Variants in NAALADL2 observed in about 807,000 individuals in gnomAD.
The protein encoded by NAALADL2 is inactive N-acetylated-alpha-linked acidic dipeptidase-like protein 2.
In NAALADL2, 76 loss-of-function variants were observed where a neutral mutation model predicts 87.2. That is an observed-to-expected ratio of 0.87 (90% CI 0.72 to 1.05). NAALADL2 has a LOEUF of 1.05. Ranked by LOEUF, NAALADL2 falls within the 50% of genes least tolerant of loss-of-function variation. NAALADL2 has a pLI of 0.00. For synonymous variants in NAALADL2, 354 were observed against 331.0 expected, an observed-to-expected ratio of 1.07 and a Z score of -0.75; for missense variants, 1,089 against 945.8, an observed-to-expected ratio of 1.15 and a Z score of -1.99.
chr3:174,905,525 C>T (rs1732858762), intron 1 of NAALADL2, among the ~76,000 whole-genome samples: 2 of 152,010 alleles, frequency 1.3e-5, no homozygotes, highest in South Asian at 4.1e-4. Context: ...TTTCATAAGA[C>T]ACAGGAAACT....
chr3:174,708,669 CA>C (rs769938777), intron 2 of NAALADL2, among the ~76,000 whole-genome samples: 5 of 152,008 alleles, frequency 3.3e-5, no homozygotes, highest in South Asian at 2.1e-4. Flanking sequence ...CTATGTTGGT[CA>C]AGAGAAATAG....
intron 4 of NAALADL2, among the ~76,000 whole-genome samples, chr3:175,317,596 C>G (rs1759319293): frequency 6.6e-6 from 1 of 151,956 alleles, no homozygotes; most frequent in Non-Finnish European, 1.5e-5. Context: ...CAGTGTTTTA[C>G]TTTCAAAAAA....
rs114829519 is a variant in NAALADL2 at position 175,241,799 on chromosome 3, C to T, written c.819+7595C>T. ...AAGTGCAGTGGACTGTTTTCATTTT[C>T]CCCACTTGATTACAACACATGTGGC... On this transcript the variant is annotated intron_variant, in intron 3 of 13. Transcript: ENST00000454872. Among the ~76,000 whole-genome samples, 490 of 149,068 alleles carry T rather than the reference C, an allele frequency of 3.3e-3. 3 individuals are homozygous for T. The highest frequency in any genetic ancestry group is 0.012 in the African/African-American group (469 of 40,522).
intron 1 of NAALADL2, among the ~76,000 whole-genome samples, chr3:174,489,630 G>C (rs2861778): frequency 0.43 from 64,657 of 151,686 alleles, 14,868 homozygotes; most frequent in East Asian, 0.88. Flanking sequence ...AGGACTCTTA[G>C]AACTCAGACT....
chr3:175,610,466 T>C (rs1724469564), intron 10 of NAALADL2, among the ~76,000 whole-genome samples: 1 of 152,144 alleles, frequency 6.6e-6, no homozygotes, highest in African/African-American at 2.4e-5. Context: ...ATTTTTCTCA[T>C]GACCACACAG....
chr3:175,579,691 G>C (rs757787965), intron 10 of NAALADL2, among the ~76,000 whole-genome samples: 4 of 152,138 alleles, frequency 2.6e-5, no homozygotes, highest in Admixed American at 6.5e-5. Context: ...GAAGCATTCT[G>C]TACAGATTAA....
At chr3:175,724,409 G>C (rs1742660400) in intron 11 of NAALADL2, among the ~76,000 whole-genome samples, 1 of 152,058 alleles carries the variant, frequency 6.6e-6, no homozygotes, top group Admixed American at 6.6e-5. Flanking sequence ...AGATTCAACT[G>C]AACAATAGCA....
At chr3:175,614,480 G>A (rs1374340755) in intron 10 of NAALADL2, among the ~76,000 whole-genome samples, 6 of 152,168 alleles carry the variant, frequency 3.9e-5, no homozygotes. Flanking sequence ...ATTTTTAAGT[G>A]TTGATAGCAT....
At chr3:174,921,637 T>G (rs370902468) in intron 1 of NAALADL2, among the ~76,000 whole-genome samples, 2 of 151,664 alleles carry the variant, frequency 1.3e-5, no homozygotes, top group Admixed American at 1.3e-4. Flanking sequence ...CCATTGCTAC[T>G]AAAAATACAA....
intron 2 of NAALADL2, among the ~76,000 whole-genome samples, chr3:174,605,194 C>T (rs1718873714): frequency 6.6e-6 from 1 of 152,122 alleles, no homozygotes. Context: ...GCCAAGATGG[C>T]CGAATAGGAA....
intron 1 of NAALADL2, among the ~76,000 whole-genome samples, chr3:174,506,526 G>A (rs1178362465): frequency 6.6e-6 from 1 of 151,926 alleles, no homozygotes; most frequent in African/African-American, 2.4e-5. Flanking sequence ...GCTGTCTGTG[G>A]CATCTGATAT....
rs539469697 is a variant in NAALADL2 at position 174,965,532 on chromosome 3, T to A, written c.43+106082T>A. Among the ~76,000 whole-genome samples the A allele has an allele frequency of 3.9e-5, 6 of 152,232 alleles. No individual in the cohort carries two copies. The South Asian group carries it at 1.0e-3, about 26-fold the overall frequency. The stretch of plus-strand genomic sequence containing the variant: ...CAAATATATGCAAGTATTGTGAGAA[T>A]TTTTTTGATAAGGGTAGCAGAGAGA... On this transcript the variant is annotated intron_variant, in intron 1 of 13. Transcript: ENST00000454872.
At chr3:174,532,439 G>A (rs1343856323) in intron 1 of NAALADL2, among the ~76,000 whole-genome samples, 1 of 152,022 alleles carries the variant, frequency 6.6e-6, no homozygotes, top group East Asian at 1.9e-4. Context: ...AAAGGGGGAG[G>A]GTATGGAAAT....
At chr3:175,258,200 T>C (rs905267491) in intron 4 of NAALADL2, among the ~76,000 whole-genome samples, 9 of 151,116 alleles carry the variant, frequency 6.0e-5, no homozygotes, top group South Asian at 2.1e-4. Flanking sequence ...CCCAGCTACT[T>C]GGGAGGCTGA....
chr3:175,559,037 T>C (rs532660137), intron 9 of NAALADL2, among the ~76,000 whole-genome samples: 5 of 152,268 alleles, frequency 3.3e-5, no homozygotes, highest in South Asian at 2.1e-4. Flanking sequence ...TTTAACAATA[T>C]TGATTTTTTT....
At chr3:175,242,715 C>T (rs1747153022) in intron 3 of NAALADL2, among the ~76,000 whole-genome samples, 1 of 152,192 alleles carries the variant, frequency 6.6e-6, no homozygotes, top group South Asian at 2.1e-4. Flanking sequence ...ATTCAACTTT[C>T]AGCAAATACA....
At chr3:175,494,149 T>C in intron 9 of NAALADL2, among the ~76,000 whole-genome samples, 1 of 152,276 alleles carries the variant, frequency 6.6e-6, no homozygotes, top group East Asian at 1.9e-4. Flanking sequence ...TTTATATGTA[T>C]ATTTTGCTTC....
chr3:174,871,976 T>C (rs1223586826), intron 1 of NAALADL2, among the ~76,000 whole-genome samples: 1 of 152,132 alleles, frequency 6.6e-6, no homozygotes, highest in Non-Finnish European at 1.5e-5. Context: ...TTGACGATCT[T>C]TAATATTTTA....
At chr3:174,600,346 C>T (rs1718317593) in intron 2 of NAALADL2, among the ~76,000 whole-genome samples, 1 of 151,856 alleles carries the variant, frequency 6.6e-6, no homozygotes, top group African/African-American at 2.4e-5. Flanking sequence ...TTAGAGAGTT[C>T]AAGAATAGTT....
Sources: allele counts gnomAD v4.1 joint callset (sites outside exome capture counted in the v4.1 genomes callset), GRCh38; gene constraint gnomAD v4.1.1; transcripts MANE v1.5; gene names NCBI Gene and HGNC (gene_info 2026-07-23, HGNC 2026-07-21).